Variants in BRD10 observed in about 807,000 individuals in gnomAD.
BRD10 encodes bromodomain containing 10, also known as uncharacterized bromodomain-containing protein 10.
At chr9:5,943,330 TA>T in the BRD10 span, among the ~76,000 whole-genome samples, 20 of 152,126 alleles carry the variant, frequency 1.3e-4, no homozygotes, top group African/African-American at 4.1e-4. Context: ...AACTATGCAT[TA>T]AAAAATGCTC....
the BRD10 span, chr9:5,913,995 T>C: frequency 2.2e-6 from 1 of 452,442 alleles, no homozygotes; most frequent in South Asian, 1.6e-5. Flanking sequence ...CAAAACTTGA[T>C]CATTTCCCAT....
chr9:5,880,126 G>C, the BRD10 span, among the ~76,000 whole-genome samples: 1 of 151,106 alleles, frequency 6.6e-6, no homozygotes, highest in Admixed American at 6.6e-5. Context: ...TCACCATGTT[G>C]GCCAGGCTGG....
chr9:5,951,978 C>T, the BRD10 span, among the ~76,000 whole-genome samples: 4 of 151,554 alleles, frequency 2.6e-5, no homozygotes, highest in Admixed American at 6.6e-5. Flanking sequence ...CCCTCTAGGA[C>T]ACCTTGAGAA....
At chr9:5,950,782 T>C in the BRD10 span, among the ~76,000 whole-genome samples, 1 of 152,106 alleles carries the variant, frequency 6.6e-6, no homozygotes, top group Non-Finnish European at 1.5e-5. Context: ...CAAGGATGCT[T>C]AAGACCTTGA....
At chr9:5,903,083 CAT>C in the BRD10 span, among the ~76,000 whole-genome samples, 15 of 152,044 alleles carry the variant, frequency 9.9e-5, no homozygotes, top group Non-Finnish European at 2.1e-4. Flanking sequence ...TCCTTTGACT[CAT>C]GTGTTATGTA....
the BRD10 span, among the ~76,000 whole-genome samples, chr9:5,991,620 G>T: frequency 1.3e-5 from 2 of 151,808 alleles, no homozygotes; most frequent in South Asian, 4.2e-4. Flanking sequence ...AGCTACGCGG[G>T]AGGCTGAGGC....
the BRD10 span, chr9:5,892,539 C>T: frequency 1.2e-6 from 2 of 1,613,214 alleles, no homozygotes; most frequent in Admixed American, 3.3e-5. Context: ...CACTCTTACA[C>T]CACGGCTGAA....
At chr9:5,910,843 G>A in the BRD10 span, 1 of 152,184 alleles carries the variant, frequency 6.6e-6, no homozygotes, top group Non-Finnish European at 1.5e-5. Flanking sequence ...CCAATTGCAG[G>A]GCAACCCTGG....
the BRD10 span, among the ~76,000 whole-genome samples, chr9:5,991,671 G>C: frequency 2.0e-5 from 3 of 148,778 alleles, no homozygotes; most frequent in African/African-American, 7.5e-5. Context: ...GTTGCAGTGA[G>C]CCAAGATCGT....
chr9:5,933,568 G>A, the BRD10 span, among the ~76,000 whole-genome samples: 1 of 152,136 alleles, frequency 6.6e-6, no homozygotes, highest in African/African-American at 2.4e-5. Flanking sequence ...CAAGGAACTG[G>A]TCTATGGTCA....
At chr9:5,952,766 G>T in the BRD10 span, among the ~76,000 whole-genome samples, 3 of 152,162 alleles carry the variant, frequency 2.0e-5, no homozygotes, top group South Asian at 2.1e-4. Flanking sequence ...AAAAGTCGGA[G>T]AAATAGTAAA....
At chr9:5,950,682 GT>G in the BRD10 span, among the ~76,000 whole-genome samples, 1 of 152,206 alleles carries the variant, frequency 6.6e-6, no homozygotes, top group East Asian at 1.9e-4. Context: ...CACACATTTG[GT>G]TAGACCCTTT....
chr9:5,941,322 T>C, the BRD10 span, among the ~76,000 whole-genome samples: 1 of 152,178 alleles, frequency 6.6e-6, no homozygotes, highest in Non-Finnish European at 1.5e-5. Flanking sequence ...TTTTATCTGC[T>C]AACTAAAACC....
chr9:6,002,513 T>A, the BRD10 span, among the ~76,000 whole-genome samples: 1 of 152,190 alleles, frequency 6.6e-6, no homozygotes, highest in Non-Finnish European at 1.5e-5. Context: ...AAACATTTTG[T>A]TAAAATTTCC....
chr9:6,007,995 G>A, the BRD10 span: 21 of 1,274,698 alleles, frequency 1.6e-5, no homozygotes, highest in South Asian at 1.3e-4. Context: ...CGCGCGAGGA[G>A]GGGGGAGAGA....
chr9:5,972,243 T>C, the BRD10 span, among the ~76,000 whole-genome samples: 1 of 152,010 alleles, frequency 6.6e-6, no homozygotes, highest in African/African-American at 2.4e-5. Context: ...ATGTAAGAAT[T>C]ATAGGACACA....
At chr9:5,954,290 T>C in the BRD10 span, among the ~76,000 whole-genome samples, 1 of 152,318 alleles carries the variant, frequency 6.6e-6, no homozygotes, top group South Asian at 2.1e-4. Flanking sequence ...AACAGACATA[T>C]TAACAAATGC....
the BRD10 span, chr9:5,921,687 T>C: frequency 6.2e-7 from 1 of 1,613,930 alleles, no homozygotes; most frequent in Non-Finnish European, 8.5e-7. Flanking sequence ...TGCTGTTTAG[T>C]TGGAGTATGA....
chr9:5,952,435 C>G, the BRD10 span, among the ~76,000 whole-genome samples: 3 of 152,150 alleles, frequency 2.0e-5, no homozygotes, highest in African/African-American at 7.2e-5. Context: ...ACCAAAGTTT[C>G]ACGAAACAAT....
Sources: gnomAD v4.1 joint callset for allele counts (sites outside exome capture counted in the v4.1 genomes callset) on GRCh38, gnomAD v4.1.1 for gene constraint, MANE v1.5 for transcripts, NCBI Gene and HGNC (gene_info 2026-07-23, HGNC 2026-07-21) for gene names.